Variants in TTLL13 observed in about 807,000 individuals in gnomAD.
TTLL13 encodes the protein tubulin tyrosine ligase like 13.
the TTLL13 span, chr15:90,263,882 G>A: frequency 1.2e-4 from 136 of 1,097,322 alleles, no homozygotes; most frequent in Middle Eastern, 7.8e-4. Context: ...TCAATCCCCA[G>A]GATCTTAGGG....
At chr15:90,253,326 G>A in the TTLL13 span, 459,494 of 1,611,870 alleles carry the variant, frequency 0.29, 72,898 homozygotes, top group East Asian at 0.66. Flanking sequence ...GACAGACTGC[G>A]CTGTCTCACT....
At chr15:90,257,169 T>G in the TTLL13 span, 1 of 1,613,762 alleles carries the variant, frequency 6.2e-7, no homozygotes, top group Non-Finnish European at 8.5e-7. Flanking sequence ...AAGTTTGATA[T>G]GCGAGTCTAC....
At chr15:90,251,270 C>T in the TTLL13 span, among the ~76,000 whole-genome samples, 7 of 131,336 alleles carry the variant, frequency 5.3e-5, no homozygotes, top group South Asian at 2.7e-4. Flanking sequence ...CCTGCCACCA[C>T]GCATGGCAAA....
the TTLL13 span, chr15:90,250,864 G>A: frequency 2.2e-5 from 36 of 1,614,054 alleles, no homozygotes; most frequent in South Asian, 3.6e-4. Context: ...AAGCTGGGAG[G>A]AGGAAGAGAA....
chr15:90,251,114 C>T, the TTLL13 span, among the ~76,000 whole-genome samples: 38 of 104,654 alleles, frequency 3.6e-4, no homozygotes, highest in African/African-American at 6.7e-4. Flanking sequence ...CCTGGTCTGT[C>T]TTTTTTTTTT....
At chr15:90,250,815 C>T in the TTLL13 span, 38 of 1,613,998 alleles carry the variant, frequency 2.4e-5, no homozygotes, top group Middle Eastern at 1.6e-4. Context: ...ACAAAAATTC[C>T]GAAGAAAGTC....
the TTLL13 span, chr15:90,253,400 G>C: frequency 2.6e-6 from 4 of 1,544,844 alleles, no homozygotes; most frequent in African/African-American, 5.4e-5. Flanking sequence ...GCCGACAGGG[G>C]CTAGGGCCCC....
the TTLL13 span, among the ~76,000 whole-genome samples, chr15:90,260,500 A>G: frequency 6.6e-6 from 1 of 151,982 alleles, no homozygotes. Context: ...TTGTTTCAAA[A>G]AATTAAATTA....
chr15:90,250,920 G>T, the TTLL13 span: 1 of 1,601,082 alleles, frequency 6.2e-7, no homozygotes, highest in African/African-American at 1.3e-5. Flanking sequence ...CAACTGCCCA[G>T]CTCCAGGGAG....
At chr15:90,257,634 C>T in the TTLL13 span, 1 of 1,613,986 alleles carries the variant, frequency 6.2e-7, no homozygotes, top group Non-Finnish European at 8.5e-7. Context: ...ACTCTTTCCA[C>T]AGGACAATGT....
the TTLL13 span, chr15:90,264,053 C>T: frequency 2.0e-6 from 3 of 1,532,568 alleles, no homozygotes; most frequent in Non-Finnish European, 2.6e-6. Flanking sequence ...ATCAGGCTCA[C>T]TAGCCGTAAG....
At chr15:90,263,023 C>T in the TTLL13 span, 2 of 1,536,116 alleles carry the variant, frequency 1.3e-6, no homozygotes, top group Non-Finnish European at 1.7e-6. Context: ...AGAGGAGGAG[C>T]TGGAGCGGAT....
At chr15:90,254,192 T>TGTTTG in the TTLL13 span, among the ~76,000 whole-genome samples, 2 of 110,198 alleles carry the variant, frequency 1.8e-5, no homozygotes, top group Non-Finnish European at 3.5e-5. Context: ...GACCCTGTTT[T>TGTTTG]TTTTTTTTTT....
chr15:90,262,211 C>T, the TTLL13 span: 5 of 1,511,894 alleles, frequency 3.3e-6, no homozygotes, highest in Non-Finnish European at 3.5e-6. Flanking sequence ...CCGACATTCT[C>T]CTCTGCACAC....
chr15:90,262,043 G>C, the TTLL13 span: 1 of 1,535,702 alleles, frequency 6.5e-7, no homozygotes. Flanking sequence ...GGCAATGCTG[G>C]ACCAGGAACG....
the TTLL13 span, chr15:90,257,711 G>A: frequency 6.2e-7 from 1 of 1,614,092 alleles, no homozygotes; most frequent in Non-Finnish European, 8.5e-7. Flanking sequence ...ATGGCGCTGT[G>A]GGCAGTAAGA....
the TTLL13 span, chr15:90,259,052 T>C: frequency 1.3e-6 from 2 of 1,522,020 alleles, no homozygotes; most frequent in Non-Finnish European, 1.8e-6. Context: ...ATAGATAATA[T>C]GTTCATATTT....
At chr15:90,257,158 C>T in the TTLL13 span, 1 of 1,613,582 alleles carries the variant, frequency 6.2e-7, no homozygotes, top group Non-Finnish European at 8.5e-7. Context: ...TTGATGGCTT[C>T]AAGTTTGATA....
the TTLL13 span, chr15:90,263,220 A>G: frequency 7.5e-7 from 1 of 1,326,918 alleles, no homozygotes; most frequent in Non-Finnish European, 1.0e-6. Flanking sequence ...GTTGGTCTCA[A>G]CAAAGGAGGC....
Sources: allele counts gnomAD v4.1 joint callset (sites outside exome capture counted in the v4.1 genomes callset), GRCh38; gene constraint gnomAD v4.1.1; transcripts MANE v1.5; gene names NCBI Gene and HGNC (gene_info 2026-07-23, HGNC 2026-07-21).